ICA1: variants seen among roughly 807,000 people sequenced by gnomAD.
ICA1 encodes islet cell autoantigen 1.
A neutral mutation model predicts 71.0 loss-of-function variants in ICA1; 40 were observed. The ratio of observed to expected loss-of-function variants is 0.56; its 90% CI spans 0.44 to 0.73. The LOEUF (loss-of-function observed/expected upper bound fraction) is 0.73, where lower values mean the gene tolerates loss of function less well. Ranked by LOEUF, ICA1 falls within the 30% of genes least tolerant of loss-of-function variation. ICA1 has a pLI of 0.00. For synonymous variants in ICA1, 207 were observed against 209.5 expected (o/e 0.99, Z 0.10); for missense variants, 578 against 576.5 (o/e 1.00, Z -0.03).
At chr7:8,214,345 C>T (rs1000202296) in intron 6 of ICA1, among the ~76,000 whole-genome samples, 2 of 152,186 alleles carry the variant, frequency 1.3e-5, no homozygotes, top group Non-Finnish European at 2.9e-5. Context: ...TTAAATCATA[C>T]CCTTTTACTC....
In ICA1 at chr7:8,130,848, A is replaced by G. The variant is rs535292450; in HGVS notation, c.1061-2706T>C. ...GTTTTTATTGTTTAGGTTTTGTGCTATGGTGTTTATAATGGACTTTGGTGG... is the reference window on the plus strand; with the variant it reads ...GTTTTTATTGTTTAGGTTTTGTGCTGTGGTGTTTATAATGGACTTTGGTGG... On this transcript the variant is annotated intron_variant, in intron 12 of 13. Coordinates refer to ENST00000402384, the MANE Select transcript of ICA1 (RefSeq NM_001136020.3). The surrounding 1 kb of genome is among the most constrained non-coding windows in gnomAD (Gnocchi z 4.2). 3.9e-5 allele frequency among the ~76,000 whole-genome samples: 6 copies of G among 152,318 alleles called. No individual in the cohort carries two copies. The highest frequency in any genetic ancestry group is 1.2e-4 in the African/African-American group (5 of 41,574).
intron 8 of ICA1, among the ~76,000 whole-genome samples, chr7:8,150,888 C>G (rs778958932): frequency 6.6e-6 from 1 of 152,256 alleles, no homozygotes; most frequent in Non-Finnish European, 1.5e-5. Flanking sequence ...CATGGCCCTG[C>G]TGGGGAAGGC....
At chr7:8,221,244 C>T (rs201505857) in intron 5 of ICA1, 31 bp downstream of exon 5, 60 of 1,612,316 alleles carry the variant, frequency 3.7e-5, no homozygotes, top group Non-Finnish European at 4.7e-5. Context: ...CTCAGATCCC[C>T]CCAGATAGAA....
chr7:8,220,700 T>C (rs778173295), intron 5 of ICA1, among the ~76,000 whole-genome samples: 5 of 152,166 alleles, frequency 3.3e-5, no homozygotes, highest in Non-Finnish European at 5.9e-5. Context: ...TACCAGAGCT[T>C]CGCAAACTTG....
At chr7:8,209,583 A>G (rs1792888292) in intron 6 of ICA1, among the ~76,000 whole-genome samples, 1 of 151,916 alleles carries the variant, frequency 6.6e-6, no homozygotes, top group South Asian at 2.1e-4. Flanking sequence ...CACATTCTTG[A>G]ACCCCAATTG....
At position 8,183,079 on chromosome 7, in the gene ICA1, AT is replaced by A. The variant is rs1487920406; in HGVS notation, c.580-24428del. On this transcript the variant is annotated intron_variant, in intron 6 of 13. Coordinates refer to ENST00000402384, the MANE Select transcript of ICA1 (RefSeq NM_001136020.3). ...AAGACTCCAGAATAACAGACAAGAA[AT>A]AAACATAAGAGAAGAAAGTTACAAC... is the stretch of plus-strand genomic sequence containing the variant. 4.6e-5 allele frequency among the ~76,000 whole-genome samples: 7 copies of A among 152,370 alleles called. No individual in the cohort carries two copies. In the East Asian group the frequency reaches 1.3e-3, roughly 29 times the overall value.
chr7:8,235,418 T>A (rs539467513), intron 2 of ICA1, among the ~76,000 whole-genome samples: 4 of 152,310 alleles, frequency 2.6e-5, no homozygotes, highest in African/African-American at 9.6e-5. Flanking sequence ...ACATCTACTT[T>A]ATTCAGCATC....
chr7:8,143,101 C>A (rs1795772900), intron 9 of ICA1, among the ~76,000 whole-genome samples: 1 of 152,122 alleles, frequency 6.6e-6, no homozygotes, highest in African/African-American at 2.4e-5. Flanking sequence ...AGAAACGAGG[C>A]CATCCATTTT....
rs1159731149 is a variant in ICA1, at chr7:8,127,001, G to C, written c.1330+872C>G. Among the ~76,000 whole-genome samples, 3 of 149,484 alleles carry C rather than the reference G, an allele frequency of 2.0e-5. 1 individual carries two copies. The East Asian group carries it at 5.9e-4, about 29-fold the overall frequency. On this transcript the variant is annotated intron_variant, in intron 13 of 13. Coordinates refer to ENST00000402384, the MANE Select transcript of ICA1 (RefSeq NM_001136020.3). The stretch of plus-strand genomic sequence containing the variant: ...CATTTTTTTTTTTTTTTCAGACAGA[G>C]TCTCACTCTGTTGCCCAGGCTAGAG...
Position 8,222,490 on chromosome 7 carries a change from A to C in ICA1, c.257-1092T>G, listed in dbSNP as rs554984648. Among the ~76,000 whole-genome samples, 10 of 152,336 alleles carry C rather than the reference A, an allele frequency of 6.6e-5. No individual in the cohort carries two copies. In the South Asian group the frequency reaches 2.1e-3, roughly 32 times the overall value. ...ACTAGGATTCTTGTCAGCTTTCACAAACCAGTCACTTTTCTTTAAGAATGC... is the reference window on the plus strand; with the variant it reads ...ACTAGGATTCTTGTCAGCTTTCACACACCAGTCACTTTTCTTTAAGAATGC... On this transcript the variant is annotated intron_variant, in intron 4 of 13. Transcript: ENST00000402384. This position sits in a 1 kb window ranked among gnomAD's most constrained non-coding sequence, Gnocchi z 4.8.
At chr7:8,181,290 T>C (rs760020950) in intron 6 of ICA1, among the ~76,000 whole-genome samples, 1 of 152,176 alleles carries the variant, frequency 6.6e-6, no homozygotes, top group Non-Finnish European at 1.5e-5. Context: ...AGTGACCTTA[T>C]ATGTGTGGGA....
At chr7:8,209,942 G>A (rs916127822) in intron 6 of ICA1, among the ~76,000 whole-genome samples, 1 of 152,254 alleles carries the variant, frequency 6.6e-6, no homozygotes, top group East Asian at 1.9e-4. Flanking sequence ...GAAGAGAGGC[G>A]GGAGGGAAAT....
intron 8 of ICA1, 157 bp downstream of exon 8, chr7:8,156,941 AAAAAAAAAAAAAAGAAAG>A (rs1239277922): frequency 2.0e-5 from 5 of 245,542 alleles, no homozygotes; most frequent in Non-Finnish European, 2.3e-5. Context: ...AAAAAAAAAA[AAAAAAAAAAAAAAGAAAG>A]AAAGAAAGAA....
rs555234541 is a variant in ICA1 at position 8,180,360 on chromosome 7, G to A, written c.580-21708C>T. 3.9e-5 allele frequency among the ~76,000 whole-genome samples: 6 copies of A among 152,038 alleles called. No individual in the cohort carries two copies. In the South Asian group the frequency reaches 8.3e-4, roughly 21 times the overall value. On this transcript the variant is annotated intron_variant, in intron 6 of 13. Coordinates refer to ENST00000402384, the MANE Select transcript of ICA1 (RefSeq NM_001136020.3). Reference sequence around the variant, plus strand: ...TAGTACTGCAATATAGTAACAGTTCGTTCTTTTTCATTACTGTATGGTATC... The same window carrying A: ...TAGTACTGCAATATAGTAACAGTTCATTCTTTTTCATTACTGTATGGTATC...
At chr7:8,115,860 T>C (rs1027704140) in intron 13 of ICA1, among the ~76,000 whole-genome samples, 1 of 152,232 alleles carries the variant, frequency 6.6e-6, no homozygotes, top group Non-Finnish European at 1.5e-5. Context: ...CTATGAAACC[T>C]GGCCCTTTCT....
chr7:8,246,258 A>G (rs771567295), intron 1 of ICA1, among the ~76,000 whole-genome samples: 1 of 152,238 alleles, frequency 6.6e-6, no homozygotes, highest in Non-Finnish European at 1.5e-5. Context: ...TGTGTTTCAC[A>G]GTTAAACTGT....
chr7:8,133,166 G>C (rs763499395), intron 12 of ICA1, among the ~76,000 whole-genome samples: 1 of 152,126 alleles, frequency 6.6e-6, no homozygotes, highest in Non-Finnish European at 1.5e-5. Flanking sequence ...GAGCACATTC[G>C]GCCCCCTCAC....
chr7:8,246,982 A>G (rs1045175518), intron 1 of ICA1, among the ~76,000 whole-genome samples: 2 of 152,014 alleles, frequency 1.3e-5, no homozygotes, highest in Admixed American at 6.6e-5. Flanking sequence ...TCCTGACCTC[A>G]TGATCCACCC....
intron 5 of ICA1, among the ~76,000 whole-genome samples, chr7:8,220,713 T>G (rs552111615): frequency 6.6e-6 from 1 of 152,134 alleles, no homozygotes; most frequent in Admixed American, 6.5e-5. Flanking sequence ...CAAACTTGAA[T>G]TTACATCAAA....
Sources: allele counts gnomAD v4.1 joint callset (sites outside exome capture counted in the v4.1 genomes callset), GRCh38; gene constraint gnomAD v4.1.1; non-coding constraint Gnocchi (gnomAD v3.1); transcripts MANE v1.5; gene names NCBI Gene and HGNC (gene_info 2026-07-23, HGNC 2026-07-21).